Variants in FGF1 observed in about 807,000 individuals in gnomAD.
FGF1 encodes fibroblast growth factor 1.
In FGF1, 9 loss-of-function variants were observed where a neutral mutation model predicts 13.4. That is an observed-to-expected ratio of 0.67 (90% CI 0.40 to 1.17). The LOEUF is 1.17. Among genes scored for constraint, FGF1 ranks in the 50% most tolerant of loss-of-function variants. The pLI is 0.01. For missense variants in FGF1, 156 were observed against 192.7 expected (o/e 0.81, Z 1.13); for synonymous variants, 93 against 79.0 (o/e 1.18, Z -0.94).
chr5:142,689,694 G>GTTTTT (rs5871823), upstream of FGF1, among the ~76,000 whole-genome samples: 7 of 115,508 alleles, frequency 6.1e-5, 2 homozygotes, highest in Non-Finnish European at 1.0e-4. Context: ...CTCGATCCTA[G>GTTTTT]TTTTTTTTTT....
At chr5:142,684,025 T>C (rs867184718) in intron 1 of FGF1, among the ~76,000 whole-genome samples, 6 of 152,246 alleles carry the variant, frequency 3.9e-5, no homozygotes, top group Middle Eastern at 3.4e-3. Context: ...CACTTTACTT[T>C]CTTAATAAAA....
intron 3 of FGF1, among the ~76,000 whole-genome samples, chr5:142,598,032 GATATAA>G (rs1341922684): frequency 1.3e-5 from 2 of 152,222 alleles, no homozygotes; most frequent in Non-Finnish European, 2.9e-5. Context: ...AACAAGATGA[GATATAA>G]ATATAATATT....
At chr5:142,689,421 A>C (rs1044800445), upstream of FGF1, among the ~76,000 whole-genome samples, 14 of 152,186 alleles carry the variant, frequency 9.2e-5, no homozygotes, top group Non-Finnish European at 1.6e-4. Flanking sequence ...CATTCATGGG[A>C]AATTGTATTC....
chr5:142,691,394 C>T (rs1597485372), intron 2 of FGF1, among the ~76,000 whole-genome samples: 1 of 149,386 alleles, frequency 6.7e-6, no homozygotes, highest in East Asian at 2.0e-4. Context: ...TGCACTCCAG[C>T]CTGGGTGATA....
chr5:142,691,476 AAAAT>A (rs1752228287), intron 2 of FGF1, among the ~76,000 whole-genome samples: 1 of 139,428 alleles, frequency 7.2e-6, no homozygotes, highest in Non-Finnish European at 1.6e-5. Context: ...AAAATAAAAT[AAAAT>A]AAATAAAATA....
intron 2 of FGF1, among the ~76,000 whole-genome samples, chr5:142,603,577 C>T (rs1290637200): frequency 6.6e-6 from 1 of 152,204 alleles, no homozygotes; most frequent in African/African-American, 2.4e-5. Flanking sequence ...CTCAGCACCT[C>T]CTACAGTGCC....
At chr5:142,595,692 A>AT (rs1168375287) in intron 3 of FGF1, among the ~76,000 whole-genome samples, 1 of 152,244 alleles carries the variant, frequency 6.6e-6, no homozygotes, top group African/African-American at 2.4e-5. Context: ...AGAGCTGTCA[A>AT]TATGCATTTG....
intron 2 of FGF1, among the ~76,000 whole-genome samples, chr5:142,609,978 G>A (rs577330260): frequency 2.6e-4 from 39 of 152,258 alleles, no homozygotes; most frequent in African/African-American, 8.9e-4. Flanking sequence ...TTTGTGGGGC[G>A]GAACCACTGT....
At chr5:142,616,282 G>A (rs907087363) in intron 1 of FGF1, among the ~76,000 whole-genome samples, 1 of 152,116 alleles carries the variant, frequency 6.6e-6, no homozygotes, top group Middle Eastern at 3.2e-3. Flanking sequence ...TTCCCACTCT[G>A]CCACCACATG....
rs185624178 is a variant in FGF1 at position 142,638,995 on chromosome 5, G to A, written c.-34-24834C>T. Among the ~76,000 whole-genome samples, 426 of 152,084 alleles carry A rather than the reference G, an allele frequency of 2.8e-3. 7 individuals carry two copies. The highest frequency in any genetic ancestry group is 9.8e-3 in the African/African-American group (406 of 41,398). On this transcript the variant is annotated intron_variant, in intron 1 of 3. Transcript: ENST00000337706. ...ATACCACCTCATGCATGTTAGAATA[G>A]CTAATATCAAAAAGACAAAAGATAA...
At chr5:142,601,569 A>G (rs1270482141) in intron 2 of FGF1, among the ~76,000 whole-genome samples, 1 of 152,064 alleles carries the variant, frequency 6.6e-6, no homozygotes, top group African/African-American at 2.4e-5. Context: ...TTTTGCTCCA[A>G]AGGGGACATT....
intron 1 of FGF1, among the ~76,000 whole-genome samples, chr5:142,614,917 T>G (rs1347549375): frequency 6.6e-6 from 1 of 152,110 alleles, no homozygotes; most frequent in Non-Finnish European, 1.5e-5. Flanking sequence ...AGAAGGTGGG[T>G]CTGTCCCTTG....
At chr5:142,688,397 C>T (rs1166519987), upstream of FGF1, among the ~76,000 whole-genome samples, 1 of 152,162 alleles carries the variant, frequency 6.6e-6, no homozygotes, top group Non-Finnish European at 1.5e-5. Context: ...GAATGCTTTT[C>T]AGCCCCACTG....
At chr5:142,623,802 G>C (rs1762034043) in intron 1 of FGF1, among the ~76,000 whole-genome samples, 1 of 150,634 alleles carries the variant, frequency 6.6e-6, no homozygotes, top group African/African-American at 2.5e-5. Context: ...GGAGTGCAGA[G>C]TGCAGTGTAC....
At chr5:142,597,736 T>C (rs1301701907) in intron 3 of FGF1, among the ~76,000 whole-genome samples, 1 of 152,234 alleles carries the variant, frequency 6.6e-6, no homozygotes, top group African/African-American at 2.4e-5. Context: ...ATATTGTTCA[T>C]TGTTCTCTAT....
chr5:142,666,154 T>A (rs1304945093), intron 1 of FGF1, among the ~76,000 whole-genome samples: 1 of 149,820 alleles, frequency 6.7e-6, no homozygotes, highest in Non-Finnish European at 1.5e-5. Context: ...TACCCAGTGC[T>A]CACCCTTAAG....
At chr5:142,657,574 T>C (rs191107347) in intron 1 of FGF1, among the ~76,000 whole-genome samples, 28 of 152,396 alleles carry the variant, frequency 1.8e-4, no homozygotes, top group African/African-American at 6.3e-4. Context: ...CTTTTTTGAC[T>C]TGACTTTTAC....
intron 1 of FGF1, among the ~76,000 whole-genome samples, chr5:142,645,703 C>T (rs1314700718): frequency 6.6e-6 from 1 of 152,072 alleles, no homozygotes; most frequent in East Asian, 1.9e-4. Context: ...GTTCTTTTAC[C>T]ACCTTCCTCC....
At chr5:142,612,513 C>A (rs1759288385) in intron 2 of FGF1, among the ~76,000 whole-genome samples, 1 of 152,166 alleles carries the variant, frequency 6.6e-6, no homozygotes, top group South Asian at 2.1e-4. Context: ...TTGTGTGGGG[C>A]AGATCACGTG....
Sources: gnomAD v4.1 joint callset for allele counts (sites outside exome capture counted in the v4.1 genomes callset) on GRCh38, gnomAD v4.1.1 for gene constraint, MANE v1.5 for transcripts, NCBI Gene and HGNC (gene_info 2026-07-23, HGNC 2026-07-21) for gene names.